The following FOXP1 variants were observed in gnomAD, a reference collection of about 807,000 sequenced individuals.
FOXP1 encodes the protein forkhead box protein P1.
In FOXP1, 15 loss-of-function variants were observed where a neutral mutation model predicts 98.2. The ratio of observed to expected loss-of-function variants is 0.15; its 90% CI spans 0.10 to 0.24. The LOEUF (loss-of-function observed/expected upper bound fraction) is 0.24. Among genes scored for constraint, FOXP1 ranks in the 10% least tolerant of loss-of-function variants. The pLI is 1.00. For synonymous variants in FOXP1, 371 were observed against 314.5 expected (o/e 1.18, Z -1.90); for missense variants, 633 against 848.5 (o/e 0.75, Z 3.15).
chr3:71,075,870 A>T (rs2053755407), intron 7 of FOXP1, among the ~76,000 whole-genome samples: 2 of 152,032 alleles, frequency 1.3e-5, no homozygotes, highest in African/African-American at 4.8e-5. Flanking sequence ...ATGAACCACC[A>T]GGCCTGGCTA....
At chr3:70,972,376 G>T (rs1214696760) in intron 18 of FOXP1, 179 bp downstream of exon 18, 7 of 966,636 alleles carry the variant, frequency 7.2e-6, no homozygotes, top group Non-Finnish European at 1.1e-5. Context: ...CCAGCAAGCA[G>T]GGCAGGGGGA....
At chr3:71,496,961 A>AGTGTGTGT (rs148821144) in intron 2 of FOXP1, among the ~76,000 whole-genome samples, 26 of 149,464 alleles carry the variant, frequency 1.7e-4, no homozygotes, top group East Asian at 7.8e-4. Flanking sequence ...GGTGTGTGGA[A>AGTGTGTGT]GTGTGTGTGT....
chr3:71,192,385 C>A (rs932678526), intron 6 of FOXP1, among the ~76,000 whole-genome samples: 3 of 152,188 alleles, frequency 2.0e-5, no homozygotes, highest in African/African-American at 7.2e-5. Context: ...TATGGTGCCC[C>A]AGAGGCCTAT....
chr3:71,138,578 T>C (rs2059927007), intron 6 of FOXP1, among the ~76,000 whole-genome samples: 1 of 152,210 alleles, frequency 6.6e-6, no homozygotes, highest in African/African-American at 2.4e-5. Context: ...CCAGTTTTTA[T>C]AGTAATTAGG....
At chr3:71,052,415 A>G (rs994185581) in intron 9 of FOXP1, 122 bp downstream of exon 9, 29 of 748,378 alleles carry the variant, frequency 3.9e-5, no homozygotes, top group Non-Finnish European at 6.8e-5. Context: ...TCAGTCTGAA[A>G]GCTGAGAACC....
intron 6 of FOXP1, among the ~76,000 whole-genome samples, chr3:71,180,018 AC>A (rs2062190687): frequency 6.6e-6 from 1 of 152,184 alleles, no homozygotes; most frequent in African/African-American, 2.4e-5. Context: ...GAGTGAAGTG[AC>A]TGTCTCGCCA....
At chr3:71,478,591 C>T (rs901932092) in intron 3 of FOXP1, among the ~76,000 whole-genome samples, 1 of 152,206 alleles carries the variant, frequency 6.6e-6, no homozygotes, top group Non-Finnish European at 1.5e-5. Flanking sequence ...ACAGCCTGCA[C>T]TTATTTATTT....
chr3:71,445,002 G>A (rs147184574), intron 3 of FOXP1, among the ~76,000 whole-genome samples: 25 of 152,326 alleles, frequency 1.6e-4, no homozygotes, highest in African/African-American at 6.0e-4. Flanking sequence ...TGGCCGGGCA[G>A]GGGAAGATGT....
chr3:71,164,885 T>C (rs2061329051), intron 6 of FOXP1, among the ~76,000 whole-genome samples: 1 of 152,224 alleles, frequency 6.6e-6, no homozygotes, highest in Admixed American at 6.5e-5. Flanking sequence ...GCATTATACT[T>C]GAAATTATTT....
At chr3:71,279,906 G>A (rs919651845) in intron 5 of FOXP1, among the ~76,000 whole-genome samples, 10 of 151,912 alleles carry the variant, frequency 6.6e-5, no homozygotes, top group Non-Finnish European at 1.2e-4. Flanking sequence ...GGCGGATCAC[G>A]AGGTCAGGAG....
intron 13 of FOXP1, among the ~76,000 whole-genome samples, chr3:70,999,836 T>C (rs534157940): frequency 6.6e-6 from 1 of 152,330 alleles, no homozygotes; most frequent in Non-Finnish European, 1.5e-5. Context: ...GGGCTCTCCA[T>C]ATATCTCAGC....
At chr3:71,050,345 G>T (rs943225708) in intron 9 of FOXP1, among the ~76,000 whole-genome samples, 2 of 152,100 alleles carry the variant, frequency 1.3e-5, no homozygotes, top group South Asian at 2.1e-4. Context: ...ATGTCTCACA[G>T]ACCAAATAAG....
intron 9 of FOXP1, among the ~76,000 whole-genome samples, chr3:71,050,726 CT>C (rs1175039889): frequency 6.6e-6 from 1 of 152,176 alleles, no homozygotes; most frequent in Non-Finnish European, 1.5e-5. Context: ...CATACCCCTT[CT>C]TTTTTCTGCT....
At chr3:71,546,214 G>A (rs1336057095) in intron 2 of FOXP1, among the ~76,000 whole-genome samples, 1 of 152,170 alleles carries the variant, frequency 6.6e-6, no homozygotes, top group African/African-American at 2.4e-5. Context: ...CCAGGTAAGA[G>A]AGTGAAGGTA....
intron 2 of FOXP1, among the ~76,000 whole-genome samples, chr3:71,502,272 C>T (rs1006771971): frequency 1.3e-5 from 2 of 152,184 alleles, no homozygotes; most frequent in African/African-American, 4.8e-5. Context: ...CGGCCCGGTC[C>T]CCAAGGCCCA....
At chr3:71,362,756 C>G (rs1051587226) in intron 3 of FOXP1, among the ~76,000 whole-genome samples, 2 of 152,336 alleles carry the variant, frequency 1.3e-5, no homozygotes, top group African/African-American at 4.8e-5. Context: ...AGGCATAAGC[C>G]ATCATGCCCA....
chr3:71,498,810 C>T (rs1032526673), intron 2 of FOXP1, among the ~76,000 whole-genome samples: 3 of 152,166 alleles, frequency 2.0e-5, no homozygotes, highest in Non-Finnish European at 2.9e-5. Context: ...TTTTGCATTC[C>T]ATAGGTCCAA....
At chr3:71,466,046 T>G (rs368728038) in intron 3 of FOXP1, among the ~76,000 whole-genome samples, 2 of 152,106 alleles carry the variant, frequency 1.3e-5, no homozygotes, top group South Asian at 2.1e-4. Flanking sequence ...GCCAAAAAGG[T>G]TGGGGACCAT....
intron 5 of FOXP1, among the ~76,000 whole-genome samples, chr3:71,213,720 G>T (rs966641630): frequency 6.6e-6 from 1 of 152,160 alleles, no homozygotes; most frequent in African/African-American, 2.4e-5. Flanking sequence ...GGAGGCGGAG[G>T]CAGGTGAATC....
Sources: gnomAD v4.1 joint callset for allele counts (sites outside exome capture counted in the v4.1 genomes callset) on GRCh38, gnomAD v4.1.1 for gene constraint, MANE v1.5 for transcripts, NCBI Gene and HGNC (gene_info 2026-07-23, HGNC 2026-07-21) for gene names.